The following SYNE2 variants were observed in gnomAD, a reference collection of about 807,000 sequenced individuals.
The protein encoded by SYNE2 is spectrin repeat containing nuclear envelope protein 2.
Under a neutral mutation model 856.3 loss-of-function variants are expected in SYNE2, and 431 were observed. The observed-to-expected ratio is 0.50, with a 90% CI of 0.47 to 0.55. The LOEUF (loss-of-function observed/expected upper bound fraction) is 0.55, where lower values mean the gene tolerates loss of function less well. Ranked by LOEUF, SYNE2 falls within the 20% of genes least tolerant of loss-of-function variation. The pLI is 0.00. For synonymous variants in SYNE2, 2,923 were observed against 2,872.3 expected (o/e 1.02, Z -0.56); for missense variants, 8,129 against 8,023.2 (o/e 1.01, Z -0.50).
Position 64,102,016 on chromosome 14 carries a change from T to C in SYNE2, c.12466T>C (p.Ser4156Pro), listed in dbSNP as rs772314552. 9.9e-6 allele frequency: 16 copies of C among 1,613,798 alleles called. No individual in the cohort carries two copies. The highest frequency in any genetic ancestry group is 1.4e-5 in the Non-Finnish European group (16 of 1,179,816). ...CAAGGACATGGAAGAAGACAGAGCT[T>C]CCTCATCCTCTGGAACAATTGTTCA... The part of the protein sequence containing the change: ...HDKDMEEDRA[S>P]SSSGTIVQEA... The change falls in exon 64 of 116, where the codon TCC becomes CCC. Residue 4156 changes from serine (S) to proline (P), a missense_variant. Ser to Pro is a moderately conservative substitution (Grantham distance 74, BLOSUM62 -1). Coordinates refer to ENST00000555002, the MANE Select transcript of SYNE2 (RefSeq NM_182914.3).
chr14:64,058,306 A>G (rs553043386), intron 49 of SYNE2, among the ~76,000 whole-genome samples: 1 of 152,264 alleles, frequency 6.6e-6, no homozygotes, highest in South Asian at 2.1e-4. Flanking sequence ...GATGAGAGAT[A>G]GGGGGTCTAG....
intron 3 of SYNE2, 76 bp downstream of exon 3, chr14:63,940,751 A>C (rs1332576847): frequency 2.2e-6 from 3 of 1,379,028 alleles, no homozygotes; most frequent in Admixed American, 3.5e-5. Flanking sequence ...GACCCCAAGG[A>C]GGCCATTAAA....
Position 64,025,421 on chromosome 14 carries a change from G to A in SYNE2, c.6252G>A (p.Lys2084=), listed in dbSNP as rs577618578. Residue 2084 remains lysine (K), a splice_region_variant and synonymous_variant, in exon 41 of 116, where the codon AAG becomes AAA. Transcript: ENST00000555002. ...TTGAGGAAAGAATCCAAAAAATCAA[G>A]GTATAACTATGGAAACTAAATTTCA... ...MPLEERIQKI[K]EIILLKPEGD... The A allele has an allele frequency of 6.2e-7, 1 of 1,610,984 alleles. No individual in the cohort carries two copies. The highest frequency in any genetic ancestry group is 2.2e-5 in the East Asian group (1 of 44,836).
chr14:63,803,225 T>C (rs756816211), intron 1 of SYNE2, among the ~76,000 whole-genome samples: 6 of 152,202 alleles, frequency 3.9e-5, no homozygotes, highest in Non-Finnish European at 8.8e-5. Flanking sequence ...CCACCGGGGC[T>C]GCAGGTGGAG....
chr14:63,932,895 C>G (rs982264368), intron 2 of SYNE2, among the ~76,000 whole-genome samples: 1 of 152,182 alleles, frequency 6.6e-6, no homozygotes, highest in Non-Finnish European at 1.5e-5. Context: ...CGAATTGTAG[C>G]TATCCTAGTT....
chr14:64,144,391 GA>G lies in SYNE2; in HGVS notation c.15483+449del, dbSNP rs568442593. ...GAAAAGATTCGGAAAACTTATTCCT[GA>G]AAAAATACTTTACATATAATCATGA... On this transcript the variant is annotated intron_variant, in intron 83 of 115. Transcript: ENST00000555002. 7.9e-5 allele frequency among the ~76,000 whole-genome samples: 12 copies of G among 152,236 alleles called. No individual in the cohort carries two copies. In the East Asian group the frequency reaches 2.3e-3, roughly 29 times the overall value.
chr14:64,225,168 T>C, intron 115 of SYNE2, 123 bp downstream of exon 115: 2 of 1,543,834 alleles, frequency 1.3e-6, no homozygotes, highest in South Asian at 2.3e-5. Context: ...TGGAAAGGGC[T>C]GGTTTTCTCC....
chr14:63,916,674 G>A (rs2095537024), intron 2 of SYNE2, among the ~76,000 whole-genome samples: 1 of 152,184 alleles, frequency 6.6e-6, no homozygotes, highest in African/African-American at 2.4e-5. Context: ...GTGTGTCTAT[G>A]ATGTTTAGGG....
chr14:63,971,291 T>C (rs1332440599), intron 11 of SYNE2, among the ~76,000 whole-genome samples: 1 of 152,086 alleles, frequency 6.6e-6, no homozygotes, highest in Non-Finnish European at 1.5e-5. Flanking sequence ...TCTTTTGTAT[T>C]TTTTTGCAGA....
Position 64,051,972 on chromosome 14 carries a change from G to T in SYNE2, c.8059G>T (p.Glu2687Ter). Residue 2687 changes from glutamate to a stop codon, truncating the protein, a stop_gained, in exon 48 of 116, where the codon GAA becomes TAA. Transcript: ENST00000555002. LOFTEE classifies it high-confidence loss of function. ...HGFSVLKGQA[E>*]LQMKRIWGEK... ...ATTTTCTGTTTTAAAGGGGCAAGCT[G>T]AACTTCAGATGAAGAGGATTTGGGG... The T allele has an allele frequency of 6.2e-7, 1 of 1,613,946 alleles. No homozygotes were observed. Among genetic ancestry groups the T allele is most frequent in the East Asian group, 2.2e-5 (1 of 44,888 alleles).
intron 2 of SYNE2, among the ~76,000 whole-genome samples, chr14:63,939,942 T>C (rs1214975551): frequency 6.6e-6 from 1 of 152,170 alleles, no homozygotes; most frequent in African/African-American, 2.4e-5. Context: ...ATTTAAAACA[T>C]CTTCTTATGT....
chr14:64,186,368 A>C, intron 96 of SYNE2, 56 bp from the exon 97 acceptor site: 1 of 1,611,708 alleles, frequency 6.2e-7, no homozygotes, highest in African/African-American at 1.3e-5. Context: ...ACAGGTTTGG[A>C]AACAACAGCC....
chr14:64,146,872 A>T (rs2098191868), intron 84 of SYNE2, among the ~76,000 whole-genome samples: 1 of 152,246 alleles, frequency 6.6e-6, no homozygotes, highest in Admixed American at 6.5e-5. Flanking sequence ...TGACGGCCTT[A>T]CAATAGTCAC....
chr14:64,222,226 T>G (rs2098697704), intron 112 of SYNE2, among the ~76,000 whole-genome samples: 1 of 152,234 alleles, frequency 6.6e-6, no homozygotes, highest in Non-Finnish European at 1.5e-5. Flanking sequence ...TTTTAAATTT[T>G]AATCAGAGTG....
Position 64,219,536 on chromosome 14 carries a change from C to T in SYNE2, c.19860+126C>T, listed in dbSNP as rs557434240. On this transcript the variant is annotated intron_variant, in intron 110 of 115. Coordinates refer to ENST00000555002, the MANE Select transcript of SYNE2 (RefSeq NM_182914.3). ...GCTTGCAGATGGTGTATGTAGAGGT[C>T]ACTCTCTTCCATTTCAGTTCCATAG... The T allele has an allele frequency of 1.1e-4, 96 of 908,028 alleles. No homozygotes were observed. In the South Asian group the frequency reaches 1.3e-3, roughly 12 times the overall value. 56.2% of individuals were successfully genotyped at this position (908,028 alleles called of 1,614,324 possible). A position where few individuals can be genotyped will look rare whatever the true frequency, so the allele number is the denominator to read the frequency against.
intron 6 of SYNE2, among the ~76,000 whole-genome samples, chr14:63,947,896 C>T (rs905478323): frequency 3.3e-5 from 5 of 152,098 alleles, no homozygotes; most frequent in Non-Finnish European, 4.4e-5. Context: ...CACCTTCACA[C>T]GTGAAGTCGA....
chr14:63,827,346 C>T (rs1470424705), intron 1 of SYNE2, among the ~76,000 whole-genome samples: 8 of 143,506 alleles, frequency 5.6e-5, no homozygotes, highest in Non-Finnish European at 9.2e-5. Context: ...ATGTGCAGGC[C>T]GGGCGCGGTG....
intron 11 of SYNE2, among the ~76,000 whole-genome samples, chr14:63,973,331 G>A (rs2096494888): frequency 6.6e-6 from 1 of 151,430 alleles, no homozygotes; most frequent in South Asian, 2.1e-4. Context: ...AATAGTTAAT[G>A]ATTTACGATT....
chr14:63,955,945 A>G lies in SYNE2; in HGVS notation c.787+1030A>G, dbSNP rs11849963. Among the ~76,000 whole-genome samples the G allele has an allele frequency of 5.9e-3, 896 of 152,346 alleles. 6 individuals are homozygous for G. Among genetic ancestry groups the G allele is most frequent in the African/African-American group, 0.021 (862 of 41,578 alleles). On this transcript the variant is annotated intron_variant, in intron 8 of 115. Coordinates refer to ENST00000555002, the MANE Select transcript of SYNE2 (RefSeq NM_182914.3). ...AAGTAAGTGTAATAAGAGGTATATC[A>G]GAACTTCATATGTTCTTCAATGACA...
Sources: allele counts gnomAD v4.1 joint callset (sites outside exome capture counted in the v4.1 genomes callset), GRCh38; gene constraint gnomAD v4.1.1; transcripts MANE v1.5; gene names NCBI Gene and HGNC (gene_info 2026-07-23, HGNC 2026-07-21).